SPAG16: variants seen among roughly 807,000 people sequenced by gnomAD.
The protein encoded by SPAG16 is sperm associated antigen 16.
Under a neutral mutation model 80.4 loss-of-function variants are expected in SPAG16, and 86 were observed. That is an observed-to-expected ratio of 1.07 (90% CI 0.90 to 1.28). The LOEUF (loss-of-function observed/expected upper bound fraction) is 1.28, where lower values mean the gene tolerates loss of function less well. SPAG16 is among the 50% of genes most tolerant of loss of function. SPAG16 has a pLI of 0.00. For synonymous variants in SPAG16, 294 were observed against 265.9 expected (o/e 1.11, Z -1.03); for missense variants, 870 against 765.3 (o/e 1.14, Z -1.61).
chr2:213,648,150 T>A (rs891149014), intron 10 of SPAG16, among the ~76,000 whole-genome samples: 1 of 152,246 alleles, frequency 6.6e-6, no homozygotes, highest in African/African-American at 2.4e-5. Flanking sequence ...AACCATTTTT[T>A]ATATTTTACT....
At chr2:214,362,995 C>A (rs1461790940) in intron 15 of SPAG16, among the ~76,000 whole-genome samples, 1 of 151,804 alleles carries the variant, frequency 6.6e-6, no homozygotes, top group Non-Finnish European at 1.5e-5. Flanking sequence ...TTGAACTATT[C>A]TTTAATACCA....
At chr2:213,499,912 G>C (rs2125770843) in intron 10 of SPAG16, among the ~76,000 whole-genome samples, 1 of 152,146 alleles carries the variant, frequency 6.6e-6, no homozygotes, top group East Asian at 1.9e-4. Flanking sequence ...TCCAGACACT[G>C]GTTTCTTTAG....
chr2:213,679,553 C>G lies in SPAG16; in HGVS notation c.1071-182932C>G, dbSNP rs572826304. Among the ~76,000 whole-genome samples the G allele has an allele frequency of 5.9e-5, 9 of 152,142 alleles. No individual in the cohort carries two copies. The East Asian group carries it at 1.7e-3, about 29-fold the overall frequency. ...AATACATTTTAAAAACGTGGAGAAA[C>G]TTTTTTTCCCACTTCCTACTTATTT... is the stretch of plus-strand genomic sequence containing the variant. On this transcript the variant is annotated intron_variant, in intron 10 of 15. Coordinates refer to ENST00000331683, the MANE Select transcript of SPAG16 (RefSeq NM_024532.5).
At chr2:213,534,946 TAAA>T (rs775402820) in intron 10 of SPAG16, among the ~76,000 whole-genome samples, 1 of 152,004 alleles carries the variant, frequency 6.6e-6, no homozygotes, top group Admixed American at 6.6e-5. Flanking sequence ...CTGGTGTTCT[TAAA>T]AGAAGAGTAG....
intron 10 of SPAG16, among the ~76,000 whole-genome samples, chr2:213,522,009 A>C (rs2075694075): frequency 1.3e-5 from 2 of 152,228 alleles, no homozygotes; most frequent in Non-Finnish European, 2.9e-5. Flanking sequence ...TAGTGTGAGC[A>C]TCAAATAAAT....
intron 13 of SPAG16, among the ~76,000 whole-genome samples, chr2:214,062,980 ATTAAT>A (rs1394401395): frequency 6.6e-6 from 1 of 152,200 alleles, no homozygotes; most frequent in East Asian, 1.9e-4. Flanking sequence ...AATAAGTGAA[ATTAAT>A]TTAATAACAT....
chr2:213,720,913 T>A (rs2066504778), intron 10 of SPAG16, among the ~76,000 whole-genome samples: 1 of 151,122 alleles, frequency 6.6e-6, no homozygotes, highest in South Asian at 2.1e-4. Flanking sequence ...GCCCGGCTAA[T>A]TTTTTTGTAT....
intron 10 of SPAG16, among the ~76,000 whole-genome samples, chr2:213,843,622 G>T (rs554795438): frequency 2.0e-5 from 3 of 152,168 alleles, no homozygotes; most frequent in Non-Finnish European, 4.4e-5. Flanking sequence ...AGGCTGAAGC[G>T]GGTCGATCAC....
chr2:213,810,500 C>T (rs552383185), intron 10 of SPAG16, among the ~76,000 whole-genome samples: 99 of 152,262 alleles, frequency 6.5e-4, no homozygotes, highest in African/African-American at 2.3e-3. Context: ...CAAGAGAATG[C>T]AGTCACCCCT....
intron 9 of SPAG16, among the ~76,000 whole-genome samples, chr2:213,417,205 GAC>G (rs140652255): frequency 1.3e-5 from 2 of 151,422 alleles, no homozygotes; most frequent in Admixed American, 6.6e-5. Context: ...GAAAAGTACA[GAC>G]ACACACACAC....
intron 10 of SPAG16, among the ~76,000 whole-genome samples, chr2:213,751,171 G>A (rs1334493808): frequency 6.6e-6 from 1 of 151,060 alleles, no homozygotes; most frequent in Non-Finnish European, 1.5e-5. Context: ...GTACTTATAT[G>A]GTAAATGTTA....
chr2:213,327,506 A>G (rs2063896881), intron 5 of SPAG16, among the ~76,000 whole-genome samples: 2 of 152,126 alleles, frequency 1.3e-5, no homozygotes, highest in South Asian at 4.1e-4. Context: ...GTATATTTAA[A>G]AAGTGAATTG....
chr2:213,988,117 C>T (rs16851229), intron 12 of SPAG16, among the ~76,000 whole-genome samples: 2,078 of 151,874 alleles, frequency 0.014, 53 homozygotes, highest in African/African-American at 0.047. Context: ...CTAAACTGTT[C>T]CAAGAGAGTG....
intron 11 of SPAG16, among the ~76,000 whole-genome samples, chr2:213,890,353 C>T (rs560088897): frequency 1.3e-5 from 2 of 151,932 alleles, no homozygotes; most frequent in Non-Finnish European, 2.9e-5. Flanking sequence ...TTGTATTTTT[C>T]GTGACATTCA....
intron 12 of SPAG16, among the ~76,000 whole-genome samples, chr2:213,949,179 T>TTTTTTTTTTTTG (rs2079612309): frequency 2.8e-5 from 1 of 36,244 alleles, no homozygotes; most frequent in Non-Finnish European, 5.5e-5. Context: ...GTTTTTTTTT[T>TTTTTTTTTTTTG]TTTTTTTTTT....
rs1224059528 is a variant in SPAG16, at chr2:214,267,482, T to C, written c.1720+118216T>C. Reference sequence around the variant, plus strand: ...AAATAGGCTCTTATTTCAAACCTTGTATAAGAATCAACTCAAAGCAGGTTA... The same window carrying C: ...AAATAGGCTCTTATTTCAAACCTTGCATAAGAATCAACTCAAAGCAGGTTA... On this transcript the variant is annotated intron_variant, in intron 15 of 15. Coordinates refer to ENST00000331683, the MANE Select transcript of SPAG16 (RefSeq NM_024532.5). 2.0e-5 allele frequency among the ~76,000 whole-genome samples: 3 copies of C among 151,924 alleles called. No individual in the cohort carries two copies. In the East Asian group the frequency reaches 5.8e-4, roughly 29 times the overall value.
intron 10 of SPAG16, among the ~76,000 whole-genome samples, chr2:213,860,252 CTATA>C (rs2075363679): frequency 6.6e-6 from 1 of 151,428 alleles, no homozygotes; most frequent in South Asian, 2.1e-4. Context: ...AAATTCCTTT[CTATA>C]TATGCTGAAA....
At position 213,782,123 on chromosome 2, in the gene SPAG16, GTTTAT is replaced by G. The variant is rs1021426461; in HGVS notation, c.1071-80355_1071-80351del. ...TACTATCTCATTTCAAAGTCTGTGG[GTTTAT>G]TTTATTACTTGTAGTTGATATTTCT... On this transcript the variant is annotated intron_variant, in intron 10 of 15. Transcript: ENST00000331683. Among the ~76,000 whole-genome samples, 47 of 151,050 alleles carry G rather than the reference GTTTAT, an allele frequency of 3.1e-4. 1 individual carries two copies. Among genetic ancestry groups the G allele is most frequent in the African/African-American group, 1.1e-3 (44 of 41,184 alleles).
chr2:213,995,808 C>T (rs773501487), intron 12 of SPAG16, among the ~76,000 whole-genome samples: 28 of 152,288 alleles, frequency 1.8e-4, no homozygotes, highest in Admixed American at 7.2e-4. Flanking sequence ...GGACTAGGAT[C>T]CAGCCTCTCA....
Sources: gnomAD v4.1 joint callset for allele counts (sites outside exome capture counted in the v4.1 genomes callset) on GRCh38, gnomAD v4.1.1 for gene constraint, MANE v1.5 for transcripts, NCBI Gene and HGNC (gene_info 2026-07-23, HGNC 2026-07-21) for gene names.